The following HOMER2 variants were observed in gnomAD, a reference collection of about 807,000 sequenced individuals.
The protein encoded by HOMER2 is homer scaffold protein 2.
Under a neutral mutation model 47.0 loss-of-function variants are expected in HOMER2, and 27 were observed. The observed-to-expected ratio is 0.57, with a 90% CI of 0.42 to 0.79. The LOEUF (loss-of-function observed/expected upper bound fraction) is 0.79. Among genes scored for constraint, HOMER2 ranks in the 30% least tolerant of loss-of-function variants. HOMER2 has a pLI of 0.00. For synonymous variants in HOMER2, 161 were observed against 163.8 expected, an observed-to-expected ratio of 0.98 and a Z score of 0.13; for missense variants, 443 against 435.0, an observed-to-expected ratio of 1.02 and a Z score of -0.16.
At chr15:82,859,591 G>A (rs1033863869) in intron 4 of HOMER2, among the ~76,000 whole-genome samples, 1 of 152,150 alleles carries the variant, frequency 6.6e-6, no homozygotes, top group Non-Finnish European at 1.5e-5. Context: ...TAGAAAAGGA[G>A]ACAACTTAAA....
At chr15:82,901,186 G>A (rs1567042604) in intron 1 of HOMER2, among the ~76,000 whole-genome samples, 1 of 152,144 alleles carries the variant, frequency 6.6e-6, no homozygotes, top group East Asian at 1.9e-4. Context: ...AAAGGGTCCC[G>A]ATTCTCCAAA....
At chr15:82,985,277 C>G (rs2151267290) in intron 1 of HOMER2, among the ~76,000 whole-genome samples, 1 of 151,672 alleles carries the variant, frequency 6.6e-6, no homozygotes, top group African/African-American at 2.4e-5. Context: ...CAACAGAGAG[C>G]CATTGGATCA....
intron 1 of HOMER2, among the ~76,000 whole-genome samples, chr15:82,906,040 G>A (rs996428535): frequency 5.3e-5 from 8 of 152,158 alleles, no homozygotes; most frequent in Non-Finnish European, 1.0e-4. Context: ...ATGGGATGGA[G>A]GAGTTAGGAT....
chr15:82,847,881 G>C (rs1657285674), downstream of HOMER2, among the ~76,000 whole-genome samples: 1 of 152,130 alleles, frequency 6.6e-6, no homozygotes, highest in African/African-American at 2.4e-5. Flanking sequence ...TGGTCTCCTG[G>C]TGCAGCCAGG....
intron 1 of HOMER2, among the ~76,000 whole-genome samples, chr15:82,967,364 G>C (rs552487899): frequency 6.6e-6 from 1 of 152,030 alleles, no homozygotes; most frequent in Non-Finnish European, 1.5e-5. Flanking sequence ...GTATGATAAC[G>C]TAAGTTTTAA....
intron 1 of HOMER2, among the ~76,000 whole-genome samples, chr15:82,910,854 T>C (rs1466438827): frequency 6.6e-6 from 1 of 152,194 alleles, no homozygotes; most frequent in Non-Finnish European, 1.5e-5. Context: ...GTTTCAAGTC[T>C]GGTTTCTGTC....
chr15:82,961,047 G>A (rs907332948), intron 1 of HOMER2, among the ~76,000 whole-genome samples: 1 of 152,196 alleles, frequency 6.6e-6, no homozygotes. Context: ...TGCCTTATCT[G>A]GCTGTTGGCC....
In HOMER2 at chr15:82,861,083, T is replaced by C. The variant is rs181588614; in HGVS notation, c.388-1948A>G. On this transcript the variant is annotated intron_variant, in intron 4 of 8. Coordinates refer to ENST00000450735, the MANE Select transcript of HOMER2 (RefSeq NM_004839.4). ...ATCTGTCAAATTAACAAAGCTTTGC[T>C]GATGAGGGTGTGGTAAGAAAAAGCC... is the stretch of plus-strand genomic sequence containing the variant. Among the ~76,000 whole-genome samples, 58 of 152,142 alleles carry C rather than the reference T, an allele frequency of 3.8e-4. 1 individual carries two copies. In the East Asian group the frequency reaches 9.1e-3, roughly 24 times the overall value.
chr15:82,968,837 C>A (rs191676693), intron 1 of HOMER2, among the ~76,000 whole-genome samples: 2 of 152,160 alleles, frequency 1.3e-5, no homozygotes, highest in East Asian at 3.8e-4. Context: ...GTTTCAGCTT[C>A]GAGGCTGATC....
intron 5 of HOMER2, among the ~76,000 whole-genome samples, chr15:82,856,758 G>A (rs1435929295): frequency 3.9e-5 from 6 of 152,352 alleles, no homozygotes; most frequent in South Asian, 2.1e-4. Context: ...AGGGTCACAT[G>A]TGCTTTCTGG....
At position 82,880,067 on chromosome 15, in the gene HOMER2, T is replaced by C. The variant is rs571544579; in HGVS notation, c.163-4663A>G. ...TATTCATATAAAGGTCAAAAACAGGTAAAACTGAATAACAGATTATTTAGG... is the reference window on the plus strand; with the variant it reads ...TATTCATATAAAGGTCAAAAACAGGCAAAACTGAATAACAGATTATTTAGG... On this transcript the variant is annotated intron_variant, in intron 2 of 8. Coordinates refer to ENST00000450735, the MANE Select transcript of HOMER2 (RefSeq NM_004839.4). Among the ~76,000 whole-genome samples the C allele has an allele frequency of 3.3e-5, 5 of 152,198 alleles. No individual in the cohort carries two copies. The South Asian group carries it at 1.0e-3, about 32-fold the overall frequency.
At chr15:82,859,270 C>G in intron 4 of HOMER2, 135 bp from the exon 5 acceptor site, 1 of 1,249,566 alleles carries the variant, frequency 8.0e-7, no homozygotes, top group South Asian at 1.4e-5. Context: ...ACCAACTCAT[C>G]CAACCAGAAT....
chr15:82,841,240 G>T lies in HOMER2; in HGVS notation c.*6034C>A, dbSNP rs1371928981. The T allele has an allele frequency of 2.0e-5, 3 of 152,222 alleles. No homozygotes were observed. The East Asian group carries it at 5.8e-4, about 29-fold the overall frequency. The allele number at this position is 152,222 out of a possible 1,614,324, so 9.4% of individuals were successfully genotyped here. A position where few individuals can be genotyped will look rare whatever the true frequency, so the allele number is the denominator to read the frequency against. ...CATTGAAAGGAGATGTATATTAAAA[G>T]AATAGTATACTATGACTACATCAGA... On this transcript the variant is annotated 3_prime_UTR_variant, in exon 2 of 2. Transcript: ENST00000558090.
chr15:82,927,928 C>T (rs1036464131), intron 1 of HOMER2, among the ~76,000 whole-genome samples: 22 of 150,580 alleles, frequency 1.5e-4, no homozygotes, highest in African/African-American at 5.4e-4. Flanking sequence ...TGAGATTGTG[C>T]CATTGTGCAT....
rs1185686720 is a variant in HOMER2 at position 82,868,531 on chromosome 15, ATATATATATATTTT to A, written c.295-4286_295-4273del. On this transcript the variant is annotated intron_variant, in intron 3 of 8. Transcript: ENST00000450735. ...TATATCACTTATTTATTTTATATAT[ATATATATATATTTT>A]TTTTTTTTTTTTTCCCCTTTTGAGA... is the stretch of plus-strand genomic sequence containing the variant. Among the ~76,000 whole-genome samples, 5 of 57,166 alleles carry A rather than the reference ATATATATATATTTT, an allele frequency of 8.7e-5. 2 individuals are homozygous for A. Among genetic ancestry groups the A allele is most frequent in the Admixed American group, 3.9e-4 (2 of 5,158 alleles). 37.5% of individuals were successfully genotyped at this position (57,166 alleles called of 152,430 possible). A position where few individuals can be genotyped will look rare whatever the true frequency, so the allele number is the denominator to read the frequency against.
At chr15:82,868,541 A>ATATATATATATATATATATATATATTTTT in intron 3 of HOMER2, among the ~76,000 whole-genome samples, 8 of 71,262 alleles carry the variant, frequency 1.1e-4, no homozygotes, top group Admixed American at 3.7e-4. Context: ...ATATATATAT[A>ATATATATATATATATATATATATATTTTT]TTTTTTTTTT....
intron 1 of HOMER2, among the ~76,000 whole-genome samples, chr15:82,920,042 C>A (rs1260415118): frequency 6.6e-6 from 1 of 152,188 alleles, no homozygotes; most frequent in Non-Finnish European, 1.5e-5. Flanking sequence ...CAGTCTCTGT[C>A]CTCAAGATAT....
intron 1 of HOMER2, among the ~76,000 whole-genome samples, chr15:82,950,397 G>A (rs1376776387): frequency 1.3e-5 from 2 of 152,030 alleles, no homozygotes; most frequent in African/African-American, 2.4e-5. Flanking sequence ...TCCTAGTCCT[G>A]TCTACACAGC....
At chr15:82,864,306 G>T in intron 3 of HOMER2, 47 bp from the exon 4 acceptor site, 1 of 1,345,352 alleles carries the variant, frequency 7.4e-7, no homozygotes, top group Non-Finnish European at 1.1e-6. Flanking sequence ...CCTCACTCAT[G>T]GCTGGTATTC....
Sources: gnomAD v4.1 joint callset for allele counts (sites outside exome capture counted in the v4.1 genomes callset) on GRCh38, gnomAD v4.1.1 for gene constraint, MANE v1.5 for transcripts, NCBI Gene and HGNC (gene_info 2026-07-23, HGNC 2026-07-21) for gene names.